The following DNAJC11 variants were observed in gnomAD, a reference collection of about 807,000 sequenced individuals.
DNAJC11 encodes DnaJ heat shock protein family (Hsp40) member C11, also known as dnaJ homolog subfamily C member 11.
A neutral mutation model predicts 78.6 loss-of-function variants in DNAJC11; 15 were observed. The ratio of observed to expected loss-of-function variants is 0.19; its 90% CI spans 0.13 to 0.29. DNAJC11 has a LOEUF of 0.29. Ranked by LOEUF, DNAJC11 falls within the 10% of genes least tolerant of loss-of-function variation. The probability of loss-of-function intolerance (pLI) is 1.00; values close to 1 mark genes in which losing one functional copy is unlikely to be tolerated. For missense variants in DNAJC11, 547 were observed against 709.6 expected (o/e 0.77, Z 2.60); for synonymous variants, 292 against 272.1 (o/e 1.07, Z -0.72).
At chr1:6,635,823 C>G in intron 15 of DNAJC11, 123 bp from the exon 16 acceptor site, 1 of 1,235,162 alleles carries the variant, frequency 8.1e-7, no homozygotes, top group South Asian at 1.3e-5. Flanking sequence ...GCAGAGCACC[C>G]GCTGCTGAAA....
intron 7 of DNAJC11, among the ~76,000 whole-genome samples, chr1:6,648,716 A>C (rs918375174): frequency 6.6e-6 from 1 of 152,034 alleles, no homozygotes; most frequent in Non-Finnish European, 1.5e-5. Context: ...CTGGCCTCCT[A>C]AAGTGCTGGG....
chr1:6,643,260 T>A (rs1641906700), intron 10 of DNAJC11, among the ~76,000 whole-genome samples: 1 of 149,342 alleles, frequency 6.7e-6, no homozygotes, highest in African/African-American at 2.5e-5. Context: ...AGAAGACGGA[T>A]GCAAGCGAAA....
At chr1:6,656,947 C>A (rs1427820468) in intron 4 of DNAJC11, among the ~76,000 whole-genome samples, 1 of 151,894 alleles carries the variant, frequency 6.6e-6, no homozygotes, top group Non-Finnish European at 1.5e-5. Context: ...AATATAAATG[C>A]AACTTTCATA....
intron 6 of DNAJC11, 59 bp downstream of exon 6, chr1:6,652,770 A>T: frequency 6.2e-7 from 1 of 1,607,964 alleles, no homozygotes; most frequent in South Asian, 1.1e-5. Flanking sequence ...TTGAGAGTGT[A>T]AATGTTCAGA....
rs769644715 is a variant in DNAJC11, at chr1:6,651,563, C to T, written c.670G>A (p.Gly224Ser). The T allele has an allele frequency of 9.9e-6, 16 of 1,614,052 alleles. No individual in the cohort carries two copies. Among genetic ancestry groups the T allele is most frequent in the African/African-American group, 1.3e-5 (1 of 75,024 alleles). ...GTGAGATTACGGAACAGCTTGAGAC[C>T]GAACAAAGGCCCCTGTAGGTCTCCA... ...GAGDLQGPLF[G>S]LKLFRNLTPR... Residue 224 changes from glycine (G) to serine (S), a missense_variant, in exon 7 of 16, where the codon GGT becomes AGT. Gly to Ser is a moderately conservative substitution (Grantham distance 56). Coordinates refer to ENST00000377577, the MANE Select transcript of DNAJC11 (RefSeq NM_018198.4).
rs189616857 is a variant in DNAJC11 at position 6,645,927 on chromosome 1, G to A, written c.756C>T (p.Pro252=). ...TCCGAGCTAGGACAGTGGTCAGGCC[G>A]GGTCGGATTCCACGGGATGAAAACT... ...ALQFSSRGIR[P]GLTTVLARNL... The change falls in exon 8 of 16, where the codon CCC becomes CCT. Residue 252 remains proline (P), a synonymous_variant. Transcript: ENST00000377577. The surrounding 1 kb of genome is among the most constrained non-coding windows in gnomAD (Gnocchi z 4.1). 67 of 1,614,158 alleles carry A rather than the reference G, an allele frequency of 4.2e-5. No homozygotes were observed. The highest frequency in any genetic ancestry group is 1.2e-4 in the South Asian group (11 of 91,078).
chr1:6,694,868 A>C (rs997071174), intron 1 of DNAJC11, among the ~76,000 whole-genome samples: 2 of 150,628 alleles, frequency 1.3e-5, no homozygotes, highest in Non-Finnish European at 3.0e-5. Flanking sequence ...CCAGCTACTC[A>C]GGAGGCTGAG....
chr1:6,661,044 T>G (rs1642203436), intron 4 of DNAJC11, among the ~76,000 whole-genome samples: 1 of 152,248 alleles, frequency 6.6e-6, no homozygotes, highest in Non-Finnish European at 1.5e-5. Context: ...AAATAGAGAC[T>G]GCACACGTGC....
chr1:6,639,487 G>A (rs1233062633), intron 11 of DNAJC11, among the ~76,000 whole-genome samples: 8 of 151,904 alleles, frequency 5.3e-5, no homozygotes, highest in Admixed American at 2.0e-4. Context: ...GTGCCACCAC[G>A]CCCGGCTAAT....
At chr1:6,654,155 C>A in intron 4 of DNAJC11, 116 bp from the exon 5 acceptor site, 1 of 1,367,036 alleles carries the variant, frequency 7.3e-7, no homozygotes, top group Non-Finnish European at 1.0e-6. Context: ...CTTCAGGGTT[C>A]ACTGGGTTTA....
intron 10 of DNAJC11, among the ~76,000 whole-genome samples, chr1:6,643,277 ATTT>A (rs60341247): frequency 9.4e-5 from 13 of 138,176 alleles, no homozygotes; most frequent in Admixed American, 2.9e-4. Flanking sequence ...GAAAACAGAC[ATTT>A]TTTTTTTTTT....
intron 3 of DNAJC11, among the ~76,000 whole-genome samples, chr1:6,677,280 C>G (rs1642480191): frequency 6.6e-6 from 1 of 151,660 alleles, no homozygotes; most frequent in African/African-American, 2.4e-5. Flanking sequence ...ATTTATTGGG[C>G]ATCAGAACCA....
chr1:6,634,622 T>C lies in DNAJC11; in HGVS notation c.*1053A>G, dbSNP rs772997373. The C allele has an allele frequency of 7.3e-7, 1 of 1,366,496 alleles. No homozygotes were observed. Among genetic ancestry groups the C allele is most frequent in the Non-Finnish European group, 9.8e-7 (1 of 1,021,844 alleles). The allele number at this position is 1,366,496 out of a possible 1,614,324, so 84.6% of individuals were successfully genotyped here. On this transcript the variant is annotated 3_prime_UTR_variant, in exon 16 of 16. Transcript: ENST00000377577. Reference sequence around the variant, plus strand: ...CCGAGAGACAGGCCTCACGTAACTTTACTGCAGCCGAGGTCCAGGCCGTGG... The same window carrying C: ...CCGAGAGACAGGCCTCACGTAACTTCACTGCAGCCGAGGTCCAGGCCGTGG...
chr1:6,662,680 A>G (rs1642235694), intron 4 of DNAJC11, among the ~76,000 whole-genome samples: 1 of 152,222 alleles, frequency 6.6e-6, no homozygotes, highest in Admixed American at 6.5e-5. Context: ...AGCTCGCTGT[A>G]AAAAGCACCA....
intron 10 of DNAJC11, among the ~76,000 whole-genome samples, chr1:6,643,567 G>T (rs917661518): frequency 2.6e-5 from 4 of 152,150 alleles, no homozygotes; most frequent in Non-Finnish European, 5.9e-5. Context: ...GAGCCACAGT[G>T]CCCGGCCAAA....
intron 4 of DNAJC11, among the ~76,000 whole-genome samples, chr1:6,660,847 A>C (rs1274147813): frequency 1.3e-5 from 2 of 152,190 alleles, no homozygotes; most frequent in East Asian, 1.9e-4. Context: ...CACTGACATC[A>C]CTCAGAAATT....
At chr1:6,679,394 T>G (rs1409967783) in intron 2 of DNAJC11, among the ~76,000 whole-genome samples, 1 of 152,214 alleles carries the variant, frequency 6.6e-6, no homozygotes, top group Non-Finnish European at 1.5e-5. Context: ...ATTTCTCAGC[T>G]AACGGTGAGG....
chr1:6,681,167 T>C (rs942867335), intron 1 of DNAJC11, 130 bp from the exon 2 acceptor site: 4 of 963,218 alleles, frequency 4.2e-6, no homozygotes, highest in Middle Eastern at 3.5e-4. Flanking sequence ...CAGGATGTAA[T>C]GAAGTTCGGT....
rs774407219 is a variant in DNAJC11, at chr1:6,678,418, T to C, written c.252A>G (p.Arg84=). Residue 84 remains arginine (R), a synonymous_variant, in exon 3 of 16, where the codon AGA becomes AGG. Coordinates refer to ENST00000377577, the MANE Select transcript of DNAJC11 (RefSeq NM_018198.4). ...TRAIYDIYGK[R]GLEMEGWEVV... ...CCTCCCATCCTTCCATTTCCAGTCC[T>C]CTCTTCCCATATATATCATAGATGG... 3 of 1,614,050 alleles carry C rather than the reference T, an allele frequency of 1.9e-6. No homozygotes were observed. The East Asian group carries it at 6.7e-5, about 36-fold the overall frequency.
Sources: gnomAD v4.1 joint callset for allele counts (sites outside exome capture counted in the v4.1 genomes callset) on GRCh38, gnomAD v4.1.1 for gene constraint, Gnocchi (gnomAD v3.1) non-coding constraint, MANE v1.5 for transcripts, NCBI Gene and HGNC (gene_info 2026-07-23, HGNC 2026-07-21) for gene names.